The following CA10 variants were observed in gnomAD, a reference collection of about 807,000 sequenced individuals.
The protein encoded by CA10 is carbonic anhydrase 10 (inactive).
CA10 carries 14 observed loss-of-function variants against 44.2 expected under a neutral mutation model. The ratio of observed to expected loss-of-function variants is 0.32; its 90% CI spans 0.21 to 0.50. The LOEUF is 0.50. Among genes scored for constraint, CA10 ranks in the 20% least tolerant of loss-of-function variants. CA10 has a pLI of 0.99. For missense variants in CA10, 350 were observed against 409.7 expected, an observed-to-expected ratio of 0.85 and a Z score of 1.26; for synonymous variants, 159 against 141.6, an observed-to-expected ratio of 1.12 and a Z score of -0.87.
chr17:51,648,066 T>C (rs974499236), intron 6 of CA10, among the ~76,000 whole-genome samples: 6 of 152,226 alleles, frequency 3.9e-5, no homozygotes, highest in African/African-American at 1.4e-4. Flanking sequence ...TTGGTGCCTG[T>C]CATGGGGCAG....
At chr17:51,739,364 T>C (rs1246432041) in intron 4 of CA10, among the ~76,000 whole-genome samples, 4 of 152,134 alleles carry the variant, frequency 2.6e-5, no homozygotes. Flanking sequence ...GTCTCCATGG[T>C]GACAGGTCTG....
intron 2 of CA10, among the ~76,000 whole-genome samples, chr17:51,985,860 C>G (rs958775419): frequency 1.1e-4 from 17 of 151,842 alleles, no homozygotes; most frequent in African/African-American, 4.1e-4. Flanking sequence ...CACAGATGAC[C>G]TAAACAAATG....
At chr17:51,840,464 A>G (rs1216222268) in intron 3 of CA10, among the ~76,000 whole-genome samples, 1 of 142,680 alleles carries the variant, frequency 7.0e-6, no homozygotes, top group Non-Finnish European at 1.5e-5. Flanking sequence ...TCTGAACTCA[A>G]TCCCAACCTT....
chr17:51,909,077 A>G (rs1981683871), intron 3 of CA10, among the ~76,000 whole-genome samples: 1 of 152,184 alleles, frequency 6.6e-6, no homozygotes, highest in Non-Finnish European at 1.5e-5. Context: ...AACATGCTCC[A>G]GCGCACATGA....
chr17:51,831,846 C>A (rs1295831332), intron 3 of CA10, among the ~76,000 whole-genome samples: 5 of 151,978 alleles, frequency 3.3e-5, no homozygotes, highest in African/African-American at 1.2e-4. Flanking sequence ...TAGCTTAGAC[C>A]AACCATGCTT....
chr17:52,138,478 G>T (rs1989406980), intron 1 of CA10, among the ~76,000 whole-genome samples: 2 of 152,186 alleles, frequency 1.3e-5, no homozygotes, highest in Non-Finnish European at 2.9e-5. Context: ...CCTGCCTTTT[G>T]TATCCAGTCC....
intron 4 of CA10, among the ~76,000 whole-genome samples, chr17:51,667,982 T>A (rs1018417683): frequency 2.6e-5 from 4 of 152,192 alleles, no homozygotes; most frequent in Non-Finnish European, 5.9e-5. Context: ...CCGGTCCCAA[T>A]CTCTCTGGGG....
intron 2 of CA10, among the ~76,000 whole-genome samples, chr17:52,011,595 G>C (rs1417871279): frequency 3.9e-5 from 6 of 151,958 alleles, no homozygotes; most frequent in Admixed American, 2.0e-4. Flanking sequence ...AGAACATTTG[G>C]ATTTTTTTCT....
intron 1 of CA10, among the ~76,000 whole-genome samples, chr17:52,105,445 G>C (rs1381755097): frequency 4.6e-5 from 7 of 151,982 alleles, no homozygotes; most frequent in Non-Finnish European, 1.0e-4. Context: ...TTAGTAGAGA[G>C]GGGGTTTCAC....
At chr17:51,964,149 C>T (rs1231362245) in intron 2 of CA10, among the ~76,000 whole-genome samples, 1 of 151,820 alleles carries the variant, frequency 6.6e-6, no homozygotes, top group Non-Finnish European at 1.5e-5. Context: ...AAACCACCAA[C>T]ATTAAAAAAA....
At chr17:51,827,079 C>A (rs762278108) in intron 3 of CA10, among the ~76,000 whole-genome samples, 1 of 152,112 alleles carries the variant, frequency 6.6e-6, no homozygotes, top group Non-Finnish European at 1.5e-5. Context: ...AAACCTGGAC[C>A]CAGCAGACAG....
chr17:51,709,782 C>T (rs1469593158), intron 4 of CA10, among the ~76,000 whole-genome samples: 1 of 152,144 alleles, frequency 6.6e-6, no homozygotes, highest in African/African-American at 2.4e-5. Context: ...GGATTATATT[C>T]GCTTAGGTGA....
At chr17:51,991,663 G>T (rs1447508456) in intron 2 of CA10, among the ~76,000 whole-genome samples, 2 of 152,102 alleles carry the variant, frequency 1.3e-5, no homozygotes, top group Non-Finnish European at 2.9e-5. Context: ...CACAAAATTA[G>T]CTGGGCGTGG....
intron 2 of CA10, among the ~76,000 whole-genome samples, chr17:52,045,761 C>T (rs1375514311): frequency 6.6e-6 from 1 of 151,894 alleles, no homozygotes; most frequent in Non-Finnish European, 1.5e-5. Context: ...GGAACCTAAA[C>T]GACATGTATT....
At chr17:51,913,999 C>T (rs897725260) in intron 3 of CA10, among the ~76,000 whole-genome samples, 1 of 152,110 alleles carries the variant, frequency 6.6e-6, no homozygotes. Flanking sequence ...TTAAATTATG[C>T]ACATCATATG....
At chr17:52,102,111 T>C (rs1055908740) in intron 1 of CA10, among the ~76,000 whole-genome samples, 5 of 152,176 alleles carry the variant, frequency 3.3e-5, no homozygotes, top group Admixed American at 3.3e-4. Context: ...TCCTGTCCCC[T>C]CCACTTGTGG....
chr17:52,137,993 C>T (rs139445163), intron 1 of CA10, among the ~76,000 whole-genome samples: 9 of 152,322 alleles, frequency 5.9e-5, no homozygotes, highest in South Asian at 4.1e-4. Flanking sequence ...CAAATTACTA[C>T]ACATTTAGTA....
intron 4 of CA10, among the ~76,000 whole-genome samples, chr17:51,729,124 C>A (rs1465247356): frequency 6.6e-6 from 1 of 152,112 alleles, no homozygotes; most frequent in African/African-American, 2.4e-5. Flanking sequence ...AGTCCCAACA[C>A]TGGCCCACAC....
chr17:51,639,982 T>C (rs984481141), intron 6 of CA10, among the ~76,000 whole-genome samples: 1 of 152,164 alleles, frequency 6.6e-6, no homozygotes, highest in Non-Finnish European at 1.5e-5. Context: ...TACCCTGCCC[T>C]GGAATAACTA....
Sources: allele counts gnomAD v4.1 joint callset (sites outside exome capture counted in the v4.1 genomes callset), GRCh38; gene constraint gnomAD v4.1.1; transcripts MANE v1.5; gene names NCBI Gene and HGNC (gene_info 2026-07-23, HGNC 2026-07-21).